PSG2: variants seen among roughly 807,000 people sequenced by gnomAD.
The protein encoded by PSG2 is pregnancy-specific beta-1-glycoprotein 2.
PSG2 carries 49 observed loss-of-function variants against 36.2 expected under a neutral mutation model. The ratio of observed to expected loss-of-function variants is 1.35; its 90% CI spans 1.08 to 1.72. PSG2 has a LOEUF of 1.72. PSG2 is among the 40% of genes most tolerant of loss of function. The pLI is 0.00. For missense variants in PSG2, 605 were observed against 407.2 expected (o/e 1.49, Z -4.18); for synonymous variants, 261 against 155.6 (o/e 1.68, Z -5.04).
At chr19:43,072,322 G>A (rs1353631836) in intron 3 of PSG2, 2 of 1,610,160 alleles carry the variant, frequency 1.2e-6, no homozygotes, top group East Asian at 4.5e-5. Flanking sequence ...TTAAGCTGGT[G>A]GCCTGGCCCA....
intron 4 of PSG2, among the ~76,000 whole-genome samples, chr19:43,069,300 G>A (rs757508852): frequency 1.3e-5 from 2 of 151,466 alleles, no homozygotes; most frequent in South Asian, 2.1e-4. Context: ...AGTGAGCTGC[G>A]GATTCAATAC....
rs932081631 is a variant in PSG2, at chr19:43,075,346, A to T, written c.709+8T>A. On this transcript the variant is annotated splice_region_variant and intron_variant, in intron 3 of 5. Coordinates refer to ENST00000406487, the MANE Select transcript of PSG2 (RefSeq NM_031246.4). The stretch of plus-strand genomic sequence containing the variant: ...AGTCTGGCCCACAGAGGAACAGAAG[A>T]TACTCACGGAGGAGATTCAGGGTGA... The T allele has an allele frequency of 4.3e-6, 7 of 1,612,982 alleles. No individual in the cohort carries two copies. The highest frequency in any genetic ancestry group is 5.9e-6 in the Non-Finnish European group (7 of 1,179,620).
At position 43,070,093 on chromosome 19, in the gene PSG2, C is replaced by A. The variant is rs1967795021; in HGVS notation, c.964+1607G>T. The stretch of plus-strand genomic sequence containing the variant: ...AGTAAGCCCATGCAAAGTTCCTCAG[C>A]ATCATGAATACTTAGAGATGTGCAA... On this transcript the variant is annotated intron_variant, in intron 4 of 5. Coordinates refer to ENST00000406487, the MANE Select transcript of PSG2 (RefSeq NM_031246.4). 1.3e-5 allele frequency among the ~76,000 whole-genome samples: 2 copies of A among 151,654 alleles called. 1 individual carries two copies. Among genetic ancestry groups the A allele is most frequent in the Admixed American group, 1.3e-4 (2 of 15,228 alleles).
intron 3 of PSG2, among the ~76,000 whole-genome samples, chr19:43,073,511 G>A (rs1302140792): frequency 2.6e-5 from 4 of 151,902 alleles, no homozygotes; most frequent in Middle Eastern, 3.4e-3. Context: ...CATGGACCAT[G>A]TGTGTTTGAT....
Position 43,081,302 on chromosome 19 carries a change from G to A in PSG2, c.65-56C>T. On this transcript the variant is annotated intron_variant, in intron 1 of 5. Coordinates refer to ENST00000406487, the MANE Select transcript of PSG2 (RefSeq NM_031246.4). The stretch of plus-strand genomic sequence containing the variant: ...TGAGACCTATGTATTGGGGTGAAAA[G>A]ATGGGGCCCTGGGTCCTGAGGAGGT... The A allele has an allele frequency of 3.8e-6, 6 of 1,564,030 alleles. 1 individual carries two copies. Among genetic ancestry groups the A allele is most frequent in the Non-Finnish European group, 5.2e-6 (6 of 1,156,318 alleles).
chr19:43,066,040 A>C (rs1312291431), intron 5 of PSG2: 2 of 160,412 alleles, frequency 1.2e-5, no homozygotes, highest in African/African-American at 2.4e-5. Context: ...AAATAGAAGA[A>C]ATGTGAACTT....
chr19:43,077,622 C>A (rs981329208), intron 2 of PSG2, among the ~76,000 whole-genome samples: 6 of 151,792 alleles, frequency 4.0e-5, no homozygotes, highest in African/African-American at 1.5e-4. Context: ...GTGGCACAGG[C>A]AGTAAAACCA....
Position 43,082,512 on chromosome 19 carries a change from C to G in PSG2, c.58G>C (p.Val20Leu), listed in dbSNP as rs3887660. The G allele has an allele frequency of 0.32, 519,652 of 1,608,728 alleles. 92,099 individuals are homozygous for G. The highest frequency in any genetic ancestry group is 0.61 in the African/African-American group (44,884 of 73,952). The change falls in exon 1 of 6, where the codon GTC (valine) becomes CTC (leucine). Residue 20 changes from valine to leucine, a missense_variant. Transcript: ENST00000406487. ...TEHIKWKGLL[V>L]TASLLNFWNL... The stretch of plus-strand genomic sequence containing the variant: ...CAGGAAGTTCTCTCCTCACCTGTGA[C>G]CAGGAGCCCCTTCCATTTGATGTGC...
At chr19:43,068,168 G>T (rs1237883560) in intron 4 of PSG2, among the ~76,000 whole-genome samples, 1 of 151,420 alleles carries the variant, frequency 6.6e-6, no homozygotes, top group African/African-American at 2.4e-5. Context: ...TGAGCATGGT[G>T]GGTCATGTTT....
chr19:43,072,447 G>A, intron 3 of PSG2: 1 of 1,611,850 alleles, frequency 6.2e-7, no homozygotes, highest in Non-Finnish European at 8.5e-7. Context: ...GTGACACTGG[G>A]TAGAATGAGG....
At chr19:43,072,753 G>C in intron 3 of PSG2, 1 of 1,503,742 alleles carries the variant, frequency 6.7e-7, no homozygotes. Flanking sequence ...GCCAATAACT[G>C]GTGTGTGTGT....
intron 5 of PSG2, among the ~76,000 whole-genome samples, chr19:43,066,244 G>A (rs542001179): frequency 1.3e-5 from 2 of 151,806 alleles, no homozygotes; most frequent in African/African-American, 2.4e-5. Context: ...TAAAAATAAT[G>A]AAGAGGGTTT....
chr19:43,081,703 C>G (rs1413372559), intron 1 of PSG2: 1 of 173,604 alleles, frequency 5.8e-6, no homozygotes, highest in African/African-American at 2.4e-5. Context: ...CTTTGTATGT[C>G]TGTCTTCCTC....
intron 2 of PSG2, among the ~76,000 whole-genome samples, chr19:43,080,600 G>T (rs867580325): frequency 7.9e-5 from 12 of 151,634 alleles, no homozygotes; most frequent in African/African-American, 2.2e-4. Context: ...TATGAAGAGG[G>T]CATGAGGTGC....
chr19:43,076,534 C>T (rs1380042940), intron 2 of PSG2, among the ~76,000 whole-genome samples: 1 of 151,628 alleles, frequency 6.6e-6, no homozygotes, highest in African/African-American at 2.4e-5. Flanking sequence ...GATATTAGAC[C>T]AATATTTGGG....
In PSG2 at chr19:43,072,037, C is replaced by T. The variant is rs1194880395; in HGVS notation, c.710-83G>A. On this transcript the variant is annotated intron_variant, in intron 3 of 5. Coordinates refer to ENST00000406487, the MANE Select transcript of PSG2 (RefSeq NM_031246.4). ...GGTCTCTTAAAGGGACACAGTGACC[C>T]TCTGAGACAAGACACATCCTCAAGT... 14 of 1,532,628 alleles carry T rather than the reference C, an allele frequency of 9.1e-6. No individual in the cohort carries two copies. In the Admixed American group the frequency reaches 9.1e-5, roughly 10 times the overall value. The allele number at this position is 1,532,628 out of a possible 1,614,324, so 94.9% of individuals were successfully genotyped here. A position where few individuals can be genotyped will look rare whatever the true frequency, so the allele number is the denominator to read the frequency against.
intron 4 of PSG2, among the ~76,000 whole-genome samples, chr19:43,068,323 T>C (rs1343042007): frequency 4.0e-5 from 6 of 151,206 alleles, no homozygotes; most frequent in Non-Finnish European, 8.8e-5. Context: ...CCTGTAGTCC[T>C]AGCATCTTGA....
intron 5 of PSG2, among the ~76,000 whole-genome samples, chr19:43,065,117 G>C (rs1015602495): frequency 1.3e-5 from 2 of 151,774 alleles, no homozygotes; most frequent in Non-Finnish European, 2.9e-5. Context: ...TTGCAGGCGT[G>C]AGCCATCGCG....
intron 2 of PSG2, among the ~76,000 whole-genome samples, chr19:43,077,901 C>G (rs145260587): frequency 6.6e-6 from 1 of 151,572 alleles, no homozygotes; most frequent in Non-Finnish European, 1.5e-5. Flanking sequence ...GTGTTGGAAC[C>G]GAGTGACAAA....
Sources: allele counts gnomAD v4.1 joint callset (sites outside exome capture counted in the v4.1 genomes callset), GRCh38; gene constraint gnomAD v4.1.1; transcripts MANE v1.5; gene names NCBI Gene and HGNC (gene_info 2026-07-23, HGNC 2026-07-21).